CACNA1H: variants seen among roughly 807,000 people sequenced by gnomAD.
CACNA1H encodes voltage-dependent T-type calcium channel subunit alpha-1H.
A neutral mutation model predicts 192.5 loss-of-function variants in CACNA1H; 149 were observed. The ratio of observed to expected loss-of-function variants is 0.77; its 90% CI spans 0.68 to 0.89. The LOEUF (loss-of-function observed/expected upper bound fraction) is 0.89. Among genes scored for constraint, CACNA1H ranks in the 40% least tolerant of loss-of-function variants. The pLI is 0.00. For synonymous variants in CACNA1H, 2,202 were observed against 1,475.2 expected (o/e 1.49, Z -11.29); for missense variants, 4,257 against 3,423.5 (o/e 1.24, Z -6.08).
chr16:1,203,460 C>G (rs933137509), intron 9 of CACNA1H, among the ~76,000 whole-genome samples: 1 of 152,180 alleles, frequency 6.6e-6, no homozygotes, highest in Non-Finnish European at 1.5e-5. Flanking sequence ...GTCCCTGCCC[C>G]AGTACGTGAG....
rs1312406661 is a variant in CACNA1H, at chr16:1,219,022, G to T, written c.5940G>T (p.Gln1980His). ...CCGCAGAGTCCTGTGCCTCCCTCCA[G>T]ATCCCATTGGCTGTGTCGTCCCCAG... ...SPPAESCASL[Q>H]IPLAVSSPAR... The change falls in exon 34 of 35, where the codon CAG becomes CAT. Residue 1980 changes from glutamine to histidine, a missense_variant. Physicochemically the swap from Gln to His is conservative, Grantham distance 24. Transcript: ENST00000348261. The T allele has an allele frequency of 1.3e-6, 2 of 1,550,230 alleles. No individual in the cohort carries two copies. Among genetic ancestry groups the T allele is most frequent in the Admixed American group, 2.0e-5 (1 of 50,998 alleles).
At chr16:1,203,907 G>GA in intron 9 of CACNA1H, 103 bp from the exon 10 acceptor site, 1 of 794,690 alleles carries the variant, frequency 1.3e-6, no homozygotes, top group East Asian at 2.7e-5. Flanking sequence ...GGATCTTTCT[G>GA]GGGGGGACAC....
At chr16:1,206,064 G>A (rs1968666346) in intron 11 of CACNA1H, 40 bp from the exon 12 acceptor site, 8 of 1,520,244 alleles carry the variant, frequency 5.3e-6, no homozygotes, top group Non-Finnish European at 7.1e-6. Flanking sequence ...TGGGGTCAGG[G>A]ATCGTGGCCC....
In CACNA1H at chr16:1,211,600, G is replaced by C; in HGVS notation, c.4470G>C (p.Leu1490=). The C allele has an allele frequency of 6.2e-7, 1 of 1,609,536 alleles. No individual in the cohort carries two copies. The highest frequency in any genetic ancestry group is 8.5e-7 in the Non-Finnish European group (1 of 1,178,234). ...GACGCAAGTACAACTTCGACAACCT[G>C]GGCCAGGTGGGCTGGGCGGCCGGGC... ...WVRRKYNFDN[L]GQALMSLFVL... is the part of the protein sequence containing the mutation. The change falls in exon 23 of 35, where the codon CTG becomes CTC. Residue 1490 remains leucine (L), a synonymous_variant. Coordinates refer to ENST00000348261, the MANE Select transcript of CACNA1H (RefSeq NM_021098.3).
chr16:1,201,601 G>C (rs373131993), intron 8 of CACNA1H, 62 bp from the exon 9 acceptor site: 17 of 1,496,424 alleles, frequency 1.1e-5, no homozygotes, highest in Non-Finnish European at 1.5e-5. Flanking sequence ...GCACAGTAGG[G>C]CTCAGTGGCG....
Position 1,200,575 on chromosome 16 carries a change from G to C in CACNA1H, c.1119+4G>C. 6.2e-7 allele frequency: 1 copy of C among 1,611,538 alleles called. No homozygotes were observed. The highest frequency in any genetic ancestry group is 8.5e-7 in the Non-Finnish European group (1 of 1,179,594). On this transcript the variant is annotated splice_donor_region_variant and intron_variant, in intron 7 of 34. Coordinates refer to ENST00000348261, the MANE Select transcript of CACNA1H (RefSeq NM_021098.3). ...CGCCTGGATTGCCATCTTCCAGGTGGGCGGCAAGATGGTGGGACGGGGACC... is the reference window on the plus strand; with the variant it reads ...CGCCTGGATTGCCATCTTCCAGGTGCGCGGCAAGATGGTGGGACGGGGACC...
At chr16:1,206,482 A>G (rs1055317472) in intron 12 of CACNA1H, 193 bp downstream of exon 12, 12 of 592,752 alleles carry the variant, frequency 2.0e-5, no homozygotes, top group South Asian at 6.5e-5. Flanking sequence ...CGTGTTAGAC[A>G]TGCAGGGAGT....
chr16:1,163,034 G>A (rs1248505881), intron 2 of CACNA1H, among the ~76,000 whole-genome samples: 1 of 152,256 alleles, frequency 6.6e-6, no homozygotes. Flanking sequence ...CCTGGACCTT[G>A]GGCTCGTCTG....
chr16:1,188,622 G>A (rs1331267838), intron 2 of CACNA1H, among the ~76,000 whole-genome samples: 4 of 152,316 alleles, frequency 2.6e-5, no homozygotes, highest in African/African-American at 4.8e-5. Flanking sequence ...CCACGCCCGC[G>A]CCCAGGGGCC....
intron 2 of CACNA1H, among the ~76,000 whole-genome samples, chr16:1,160,355 C>G (rs1312807348): frequency 6.6e-6 from 1 of 152,182 alleles, no homozygotes; most frequent in Admixed American, 6.5e-5. Flanking sequence ...GGAGCGACCA[C>G]TCACCCTGGG....
chr16:1,201,894 T>G lies in CACNA1H; in HGVS notation c.1444T>G (p.Trp482Gly). The part of the protein sequence containing the change: ...KRRSLRLYAR[W>G]QSRWRKKVDP... ...GCGCAGCTTGCGCCTCTACGCCCGC[T>G]GGCAGAGCCGCTGGCGCAAGAAGGT... The change falls in exon 9 of 35, where the codon TGG becomes GGG. Residue 482 changes from tryptophan to glycine, a missense_variant. Physicochemically the swap from Trp to Gly is radical, Grantham distance 184. Coordinates refer to ENST00000348261, the MANE Select transcript of CACNA1H (RefSeq NM_021098.3). The G allele has an allele frequency of 6.4e-7, 1 of 1,551,198 alleles. No individual in the cohort carries two copies. Among genetic ancestry groups the G allele is most frequent in the South Asian group, 1.2e-5 (1 of 84,158 alleles).
intron 3 of CACNA1H, 132 bp downstream of exon 3, chr16:1,195,215 G>T: frequency 1.2e-6 from 1 of 834,362 alleles, no homozygotes; most frequent in Non-Finnish European, 1.9e-6. Flanking sequence ...GGATCAGGGC[G>T]AGGTTCACGG....
At chr16:1,212,476 C>T in intron 25 of CACNA1H, 35 bp from the exon 26 acceptor site, 2 of 1,604,018 alleles carry the variant, frequency 1.2e-6, no homozygotes, top group Non-Finnish European at 1.7e-6. Context: ...GTGCGCCACG[C>T]CCTCGGCCCT....
chr16:1,207,683 TC>T, intron 14 of CACNA1H, 86 bp from the exon 15 acceptor site: 1 of 1,253,740 alleles, frequency 8.0e-7, no homozygotes, highest in Non-Finnish European at 1.1e-6. Context: ...ACACCCCACC[TC>T]CCAGGCCAGC....
intron 2 of CACNA1H, among the ~76,000 whole-genome samples, chr16:1,163,229 G>C (rs1963407475): frequency 1.3e-5 from 2 of 152,254 alleles, no homozygotes; most frequent in African/African-American, 4.8e-5. Context: ...CTGTGCCCTG[G>C]TGCCCGTCTG....
intron 2 of CACNA1H, chr16:1,159,434 G>A (rs74004816): frequency 0.074 from 11,304 of 152,612 alleles, 1,270 homozygotes; most frequent in African/African-American, 0.24. Flanking sequence ...ATGAGAGGGA[G>A]GGTGAGGGGC....
At chr16:1,205,906 G>A (rs566918677) in intron 11 of CACNA1H, among the ~76,000 whole-genome samples, 198 bp from the exon 12 acceptor site, 78 of 152,332 alleles carry the variant, frequency 5.1e-4, no homozygotes, top group African/African-American at 1.0e-3. Context: ...GGTAGCCCCC[G>A]GGGCCATCAG....
At chr16:1,154,744 C>T (rs1349988886) in intron 2 of CACNA1H, among the ~76,000 whole-genome samples, 2 of 152,182 alleles carry the variant, frequency 1.3e-5, no homozygotes, top group East Asian at 1.9e-4. Context: ...GCAGCCTCTT[C>T]TACTCTCGGC....
intron 2 of CACNA1H, among the ~76,000 whole-genome samples, chr16:1,156,462 A>T (rs1298014847): frequency 6.6e-6 from 1 of 152,026 alleles, no homozygotes; most frequent in Non-Finnish European, 1.5e-5. Flanking sequence ...GGGGAAGCCC[A>T]TGTGGGCCAT....
Sources: allele counts gnomAD v4.1 joint callset (sites outside exome capture counted in the v4.1 genomes callset), GRCh38; gene constraint gnomAD v4.1.1; transcripts MANE v1.5; gene names NCBI Gene and HGNC (gene_info 2026-07-23, HGNC 2026-07-21).